The following HPF1 variants were observed in gnomAD, a reference collection of about 807,000 sequenced individuals.
The protein encoded by HPF1 is histone PARylation factor 1, also known as UPF0609 protein C4orf27.
Under a neutral mutation model 38.8 loss-of-function variants are expected in HPF1, and 35 were observed. The ratio of observed to expected loss-of-function variants is 0.90; its 90% confidence interval spans 0.69 to 1.19. The LOEUF is 1.19. HPF1 is among the 50% of genes most tolerant of loss of function. The probability of loss-of-function intolerance (pLI) is 0.00; values close to 1 mark genes in which losing one functional copy is unlikely to be tolerated. For missense variants in HPF1, 367 were observed against 405.8 expected (o/e 0.90, Z 0.82); for synonymous variants, 115 against 139.2 (o/e 0.83, Z 1.22).
At chr4:169,751,692 A>G (rs1259136742) in intron 2 of HPF1, among the ~76,000 whole-genome samples, 1 of 152,238 alleles carries the variant, frequency 6.6e-6, no homozygotes, top group African/African-American at 2.4e-5. Context: ...AAGGATGAAG[A>G]AAACAAAAAA....
chr4:169,737,616 T>C lies in HPF1; in HGVS notation c.736+44A>G, dbSNP rs149594908. 1,113 of 1,202,104 alleles carry C rather than the reference T, an allele frequency of 9.3e-4. 15 individuals are homozygous for C. The African/African-American group carries it at 0.015, about 16-fold the overall frequency. 74.5% of individuals were successfully genotyped at this position (1,202,104 alleles called of 1,614,324 possible). On this transcript the variant is annotated intron_variant, in intron 6 of 7. Coordinates refer to ENST00000393381, the MANE Select transcript of HPF1 (RefSeq NM_017867.3). ...CCAATATAAGCAAAACCTTTATTCA[T>C]GTGCATTAACATATATGCACATGTT...
In HPF1 at chr4:169,731,748, T is replaced by A. The variant is rs745919468; in HGVS notation, c.865A>T (p.Met289Leu). The change falls in exon 7 of 8, where the codon ATG becomes TTG. Residue 289 changes from methionine (M) to leucine (L), a missense_variant. Coordinates refer to ENST00000393381, the MANE Select transcript of HPF1 (RefSeq NM_017867.3). ...AGATCCATTCCCAATTCAAGCCCCA[T>A]GCCATAATCACATTCATCATTAGCA... ...QFANDECDYG[M>L]GLELGMDLFC... 25 of 1,588,208 alleles carry A rather than the reference T, an allele frequency of 1.6e-5. No homozygotes were observed. Among genetic ancestry groups the A allele is most frequent in the Non-Finnish European group, 2.1e-5 (25 of 1,171,442 alleles).
At chr4:169,753,344 T>A (rs1302791356) in intron 2 of HPF1, among the ~76,000 whole-genome samples, 1 of 152,012 alleles carries the variant, frequency 6.6e-6, no homozygotes, top group East Asian at 1.9e-4. Flanking sequence ...AATTATTCTA[T>A]GTTTTAGAGA....
At chr4:169,741,829 C>T in intron 5 of HPF1, 128 bp downstream of exon 5, 1 of 742,234 alleles carries the variant, frequency 1.3e-6, no homozygotes, top group Non-Finnish European at 2.2e-6. Context: ...TCCTAACATC[C>T]CTAAGGGACA....
At position 169,742,087 on chromosome 4, in the gene HPF1, A is replaced by T. The variant is rs766910277; in HGVS notation, c.518T>A (p.Leu173His). ...TTTCTTTTTATCCGTTATTTCTCTA[A>T]GTTTTTTCGTCAAAAATAATCTGAA... ...AAVKLFLTKK[L>H]REITDKKKIN... Residue 173 changes from leucine (L) to histidine (H), a missense_variant, in exon 5 of 8, where the codon CTT (leucine) becomes CAT (histidine). Physicochemically the swap from Leu to His is moderately conservative, Grantham distance 99 (BLOSUM62 -3). Coordinates refer to ENST00000393381, the MANE Select transcript of HPF1 (RefSeq NM_017867.3). 1 of 1,610,778 alleles carries T rather than the reference A, an allele frequency of 6.2e-7. No individual in the cohort carries two copies. The highest frequency in any genetic ancestry group is 2.2e-5 in the East Asian group (1 of 44,836).
At chr4:169,736,690 C>T (rs1460555518) in intron 6 of HPF1, among the ~76,000 whole-genome samples, 1 of 152,148 alleles carries the variant, frequency 6.6e-6, no homozygotes, top group Non-Finnish European at 1.5e-5. Context: ...GAAAAGCAGA[C>T]GGCCAAATAC....
chr4:169,746,835 A>G (rs1403849920), intron 4 of HPF1, among the ~76,000 whole-genome samples: 1 of 151,774 alleles, frequency 6.6e-6, no homozygotes, highest in Non-Finnish European at 1.5e-5. Context: ...AGTTCCTCAA[A>G]TACTCACTTG....
At chr4:169,751,664 C>A (rs1187875568) in intron 2 of HPF1, among the ~76,000 whole-genome samples, 1 of 151,998 alleles carries the variant, frequency 6.6e-6, no homozygotes, top group Non-Finnish European at 1.5e-5. Context: ...CAGACAGGAC[C>A]CAGTTTTATA....
chr4:169,742,146 A>G lies in HPF1; in HGVS notation c.498-39T>C, dbSNP rs112506268. ...AAAAGTCCGCATTATGTGGCAGGCCACTGTACTAAGTACAAAGACCTTTCA... is the reference window on the plus strand; with the variant it reads ...AAAAGTCCGCATTATGTGGCAGGCCGCTGTACTAAGTACAAAGACCTTTCA... On this transcript the variant is annotated intron_variant, in intron 4 of 7. Transcript: ENST00000393381. The G allele has an allele frequency of 5.7e-6, 9 of 1,589,862 alleles. No homozygotes were observed. In the African/African-American group the frequency reaches 1.1e-4, roughly 19 times the overall value.
At chr4:169,744,508 G>C (rs889591792) in intron 4 of HPF1, among the ~76,000 whole-genome samples, 1 of 152,174 alleles carries the variant, frequency 6.6e-6, no homozygotes, top group Non-Finnish European at 1.5e-5. Context: ...AAATCCATTA[G>C]AATGTCTTCA....
At chr4:169,757,806 C>A (rs745777431) in intron 1 of HPF1, 24 bp downstream of exon 1, 39 of 1,554,902 alleles carry the variant, frequency 2.5e-5, no homozygotes, top group Non-Finnish European at 3.3e-5. Context: ...CCCCGCGTAG[C>A]CCGCACAGCC....
chr4:169,748,882 A>AT, intron 3 of HPF1, 40 bp from the exon 4 acceptor site: 2 of 903,172 alleles, frequency 2.2e-6, no homozygotes, highest in Non-Finnish European at 3.5e-6. Context: ...GCTGCCCATA[A>AT]TTTATATTAT....
chr4:169,740,504 A>C (rs527954457), intron 5 of HPF1, among the ~76,000 whole-genome samples: 79 of 152,370 alleles, frequency 5.2e-4, no homozygotes, highest in African/African-American at 1.9e-3. Context: ...GGACAAAGCC[A>C]CTAACTCACA....
chr4:169,736,479 A>G (rs542362669), intron 6 of HPF1, among the ~76,000 whole-genome samples: 1 of 152,162 alleles, frequency 6.6e-6, no homozygotes, highest in South Asian at 2.1e-4. Context: ...CGTCTTCCCT[A>G]TGGCACTCCT....
chr4:169,743,604 T>C (rs762935019), intron 4 of HPF1, among the ~76,000 whole-genome samples: 5 of 151,970 alleles, frequency 3.3e-5, no homozygotes, highest in Admixed American at 6.6e-5. Context: ...TATGTGAATA[T>C]ATATCATGTT....
chr4:169,751,965 T>C (rs966789630), intron 2 of HPF1, among the ~76,000 whole-genome samples: 1 of 152,198 alleles, frequency 6.6e-6, no homozygotes, highest in Non-Finnish European at 1.5e-5. Context: ...GCTTTTGTCC[T>C]CCATCCTGTC....
chr4:169,754,825 T>C (rs2150294046), intron 1 of HPF1, among the ~76,000 whole-genome samples: 1 of 152,292 alleles, frequency 6.6e-6, no homozygotes, highest in South Asian at 2.1e-4. Context: ...ATGCCCAGGA[T>C]AGGCATCCTC....
At chr4:169,748,964 T>G in intron 3 of HPF1, 122 bp from the exon 4 acceptor site, 1 of 551,664 alleles carries the variant, frequency 1.8e-6, no homozygotes. Flanking sequence ...AGGCCTTTTT[T>G]TTTTTTTAAT....
intron 1 of HPF1, 53 bp downstream of exon 1, chr4:169,757,777 C>T: frequency 6.7e-7 from 1 of 1,489,962 alleles, no homozygotes; most frequent in South Asian, 1.2e-5. Flanking sequence ...TCCTGGTGCC[C>T]TGGCTGTCAC....
Sources: allele counts gnomAD v4.1 joint callset (sites outside exome capture counted in the v4.1 genomes callset), GRCh38; gene constraint gnomAD v4.1.1; transcripts MANE v1.5; gene names NCBI Gene and HGNC (gene_info 2026-07-23, HGNC 2026-07-21).